The following XPNPEP3 variants were observed in gnomAD, a reference collection of about 807,000 sequenced individuals.
The protein encoded by XPNPEP3 is xaa-Pro aminopeptidase 3.
Under a neutral mutation model 60.0 loss-of-function variants are expected in XPNPEP3, and 41 were observed. The ratio of observed to expected loss-of-function variants is 0.68; its 90% CI spans 0.53 to 0.89. The LOEUF (loss-of-function observed/expected upper bound fraction) is 0.89, where lower values mean the gene tolerates loss of function less well. Ranked by LOEUF, XPNPEP3 falls within the 40% of genes least tolerant of loss-of-function variation. XPNPEP3 has a pLI of 0.00. For synonymous variants in XPNPEP3, 212 were observed against 223.2 expected (o/e 0.95, Z 0.45); for missense variants, 598 against 638.9 (o/e 0.94, Z 0.69).
At chr22:40,861,706 A>G in intron 1 of XPNPEP3, 1 of 1,614,120 alleles carries the variant, frequency 6.2e-7, no homozygotes, top group Non-Finnish European at 8.5e-7. Flanking sequence ...ATTTCTTTAA[A>G]AACATCATCT....
At chr22:40,875,505 A>G (rs2058024584) in intron 2 of XPNPEP3, among the ~76,000 whole-genome samples, 1 of 152,198 alleles carries the variant, frequency 6.6e-6, no homozygotes, top group Admixed American at 6.5e-5. Context: ...ATAAATTTAT[A>G]GATGAATAAA....
At chr22:40,918,513 A>AAC (rs1040412266) in intron 7 of XPNPEP3, among the ~76,000 whole-genome samples, 218 of 151,010 alleles carry the variant, frequency 1.4e-3, no homozygotes, top group African/African-American at 3.9e-3. Context: ...CTCTACTAAA[A>AAC]ACACACACAC....
intron 1 of XPNPEP3, chr22:40,859,547 C>T (rs1241002071): frequency 6.6e-6 from 1 of 151,958 alleles, no homozygotes; most frequent in African/African-American, 2.4e-5. Context: ...ATATTAGAAG[C>T]ATTTAAAATA....
At chr22:40,890,564 A>C (rs1005320974) in intron 4 of XPNPEP3, among the ~76,000 whole-genome samples, 1 of 151,822 alleles carries the variant, frequency 6.6e-6, no homozygotes, top group Middle Eastern at 3.2e-3. Context: ...AATTTTAAAA[A>C]ATAAAATTAA....
chr22:40,900,516 G>C (rs2058127816), intron 4 of XPNPEP3, among the ~76,000 whole-genome samples: 1 of 152,042 alleles, frequency 6.6e-6, no homozygotes, highest in Non-Finnish European at 1.5e-5. Flanking sequence ...TGAGGCAGGA[G>C]AATTGCTTGA....
At chr22:40,857,316 C>T in intron 1 of XPNPEP3, 71 bp downstream of exon 1, 1 of 1,560,966 alleles carries the variant, frequency 6.4e-7, no homozygotes, top group Non-Finnish European at 8.8e-7. Context: ...TCAGGCGATC[C>T]CTGGTTCGGC....
rs1399109072 is a variant in XPNPEP3, at chr22:40,932,171, G to A, written c.*5736G>A. 1.3e-5 allele frequency: 2 copies of A among 152,128 alleles called. No homozygotes were observed. The highest frequency in any genetic ancestry group is 2.9e-5 in the Non-Finnish European group (2 of 68,036). 9.4% of individuals were successfully genotyped at this position (152,128 alleles called of 1,614,324 possible). The stretch of plus-strand genomic sequence containing the variant: ...TGTAACAGTGTTTCCAATAACTTCT[G>A]CCAATAAAACAGAATTTGAGTTAGA... On this transcript the variant is annotated 3_prime_UTR_variant, in exon 10 of 10. Coordinates refer to ENST00000357137, the MANE Select transcript of XPNPEP3 (RefSeq NM_022098.4).
At chr22:40,909,032 C>A (rs1263275108) in intron 5 of XPNPEP3, 90 bp from the exon 6 acceptor site, 6 of 957,832 alleles carry the variant, frequency 6.3e-6, no homozygotes, top group African/African-American at 1.6e-5. Flanking sequence ...AAGATAAGTA[C>A]TGGTATGGAG....
At chr22:40,870,280 A>G (rs2057998642) in intron 2 of XPNPEP3, 1 of 293,216 alleles carries the variant, frequency 3.4e-6, no homozygotes, top group African/African-American at 2.3e-5. Context: ...GTGGTGAGAT[A>G]TTTTTACATG....
intron 1 of XPNPEP3, chr22:40,860,803 A>G (rs1423362002): frequency 2.3e-5 from 15 of 639,952 alleles, no homozygotes; most frequent in Admixed American, 3.4e-5. Flanking sequence ...GGTGCACACC[A>G]CCACACTTGG....
At chr22:40,873,017 CAG>C (rs929244410) in intron 2 of XPNPEP3, among the ~76,000 whole-genome samples, 1 of 151,248 alleles carries the variant, frequency 6.6e-6, no homozygotes, top group African/African-American at 2.4e-5. Flanking sequence ...AAGGGCTACT[CAG>C]GGAGTTGGGC....
intron 4 of XPNPEP3, among the ~76,000 whole-genome samples, chr22:40,898,105 T>C (rs184217580): frequency 2.0e-5 from 3 of 152,004 alleles, no homozygotes; most frequent in Admixed American, 2.0e-4. Context: ...GTTTTTTTGT[T>C]GTTGTTAACT....
intron 4 of XPNPEP3, among the ~76,000 whole-genome samples, chr22:40,887,905 T>A (rs1037077688): frequency 1.3e-5 from 2 of 152,174 alleles, no homozygotes; most frequent in Non-Finnish European, 2.9e-5. Context: ...TCCAAGGTGT[T>A]GGCCATTGAC....
rs1271246470 is a variant in XPNPEP3, at chr22:40,922,604, G to A, written c.1236+91G>A. The A allele has an allele frequency of 4.1e-6, 6 of 1,461,606 alleles. No homozygotes were observed. In the East Asian group the frequency reaches 1.4e-4, roughly 33 times the overall value. The allele number at this position is 1,461,606 out of a possible 1,614,324, so 90.5% of individuals were successfully genotyped here. On this transcript the variant is annotated intron_variant, in intron 8 of 9. Coordinates refer to ENST00000357137, the MANE Select transcript of XPNPEP3 (RefSeq NM_022098.4). The stretch of plus-strand genomic sequence containing the variant: ...ATAAAGCTAATTAGACTTAGAAATG[G>A]GACAGATGTAGTGATTCATGCCTGT...
rs778279337 is a variant in XPNPEP3, at chr22:40,861,217, A to G, written c.64+3972A>G. 6.2e-6 allele frequency: 10 copies of G among 1,614,108 alleles called. No homozygotes were observed. The highest frequency in any genetic ancestry group is 8.5e-6 in the Non-Finnish European group (10 of 1,180,008). On this transcript the variant is annotated intron_variant, in intron 1 of 9. Transcript: ENST00000357137. Reference sequence around the variant, plus strand: ...CCCTCATCATTGTCCACGAAAGTATATTGAGATACATGTTTGGAGCTGTGA... The same window carrying G: ...CCCTCATCATTGTCCACGAAAGTATGTTGAGATACATGTTTGGAGCTGTGA...
At chr22:40,892,505 A>G (rs1163315157) in intron 4 of XPNPEP3, among the ~76,000 whole-genome samples, 1 of 152,040 alleles carries the variant, frequency 6.6e-6, no homozygotes, top group Non-Finnish European at 1.5e-5. Context: ...TTTCATCAGT[A>G]TGTCTTTCCT....
At chr22:40,907,495 G>C (rs2058160992) in intron 4 of XPNPEP3, 92 bp from the exon 5 acceptor site, 1 of 1,307,306 alleles carries the variant, frequency 7.6e-7, no homozygotes, top group African/African-American at 1.5e-5. Flanking sequence ...TGTGGGAAAA[G>C]GTGCTTTTCA....
intron 4 of XPNPEP3, among the ~76,000 whole-genome samples, chr22:40,889,206 G>A (rs2058080315): frequency 6.6e-6 from 1 of 151,842 alleles, no homozygotes; most frequent in African/African-American, 2.4e-5. Flanking sequence ...TTAGGTTTTT[G>A]TAGAGATGGG....
At position 40,926,645 on chromosome 22, in the gene XPNPEP3, T is replaced by C; in HGVS notation, c.*210T>C. The C allele has an allele frequency of 3.3e-6, 2 of 606,258 alleles. No individual in the cohort carries two copies. Among genetic ancestry groups the C allele is most frequent in the Non-Finnish European group, 5.8e-6 (2 of 342,410 alleles). The allele number at this position is 606,258 out of a possible 1,614,324, so 37.6% of individuals were successfully genotyped here. The stretch of plus-strand genomic sequence containing the variant: ...GGAAAATGAATTTTTGAATAGTATG[T>C]TACTGCAGCTTTGGTAACATTAATT... On this transcript the variant is annotated 3_prime_UTR_variant, in exon 10 of 10. Transcript: ENST00000357137.
Sources: gnomAD v4.1 joint callset for allele counts (sites outside exome capture counted in the v4.1 genomes callset) on GRCh38, gnomAD v4.1.1 for gene constraint, MANE v1.5 for transcripts, NCBI Gene and HGNC (gene_info 2026-07-23, HGNC 2026-07-21) for gene names.